GKN2: variants seen among roughly 807,000 people sequenced by gnomAD.
The protein encoded by GKN2 is gastrokine-2.
A neutral mutation model predicts 22.7 loss-of-function variants in GKN2; 17 were observed. That is an observed-to-expected ratio of 0.75 (90% CI 0.51 to 1.13). The LOEUF (loss-of-function observed/expected upper bound fraction) is 1.13. Ranked by LOEUF, GKN2 falls within the 50% of genes most tolerant of loss-of-function variation. GKN2 has a pLI of 0.00. For missense variants in GKN2, 248 were observed against 221.4 expected, an observed-to-expected ratio of 1.12 and a Z score of -0.76; for synonymous variants, 82 against 79.6, an observed-to-expected ratio of 1.03 and a Z score of -0.16.
Position 68,947,025 on chromosome 2 carries a change from A to T in GKN2, c.315+122T>A, listed in dbSNP as rs564086001. ...ACACTTTAATAACTTTAATAAGTTG[A>T]GTATCACATTTATGGTAAGGCATGA... On this transcript the variant is annotated intron_variant, in intron 4 of 5. Coordinates refer to ENST00000328895, the MANE Select transcript of GKN2 (RefSeq NM_182536.3). 1.8e-4 allele frequency: 115 copies of T among 633,568 alleles called. 2 individuals carry two copies. The South Asian group carries it at 2.4e-3, about 13-fold the overall frequency. 39.2% of individuals were successfully genotyped at this position (633,568 alleles called of 1,614,324 possible).
rs754614726 is a variant in GKN2 at position 68,947,169 on chromosome 2, T to A, written c.293A>T (p.Gln98Leu). 1.2e-5 allele frequency: 20 copies of A among 1,609,736 alleles called. No individual in the cohort carries two copies. The South Asian group carries it at 1.9e-4, about 15-fold the overall frequency. ...HQNIPPLNNL[Q>L]WYIYEKQALD... is the part of the protein sequence containing the mutation. ...TACCTGTTTCTCATAGATGTACCAT[T>A]GGAGATTGTTCAGAGGAGGGATGTT... Residue 98 changes from glutamine to leucine, a missense_variant, in exon 4 of 6, where the codon CAA (glutamine) becomes CTA (leucine). Transcript: ENST00000328895.
chr2:68,948,246 A>AAAC (rs1669800308), intron 3 of GKN2, among the ~76,000 whole-genome samples: 1 of 51,254 alleles, frequency 2.0e-5, no homozygotes, highest in South Asian at 3.9e-4. Flanking sequence ...ACTCCGTCAA[A>AAAC]AAAAAAAAAC....
intron 5 of GKN2, 68 bp downstream of exon 5, chr2:68,946,236 A>T: frequency 7.0e-7 from 1 of 1,422,764 alleles, no homozygotes. Flanking sequence ...CTTGGCACCC[A>T]ACAGAGCACC....
chr2:68,947,459 C>T (rs1669786554), intron 3 of GKN2, among the ~76,000 whole-genome samples: 1 of 152,166 alleles, frequency 6.6e-6, no homozygotes, highest in African/African-American at 2.4e-5. Flanking sequence ...ATTTCTACCC[C>T]TTTGAAATTG....
At chr2:68,949,630 G>T (rs1291705865) in intron 3 of GKN2, among the ~76,000 whole-genome samples, 1 of 151,970 alleles carries the variant, frequency 6.6e-6, no homozygotes, top group Non-Finnish European at 1.5e-5. Context: ...ATGTTGCCCA[G>T]GCCAGTCTCC....
chr2:68,945,421 C>G lies in GKN2; in HGVS notation c.502G>C (p.Ala168Pro), dbSNP rs1442476281. 1.9e-6 allele frequency: 3 copies of G among 1,611,430 alleles called. No individual in the cohort carries two copies. Among genetic ancestry groups the G allele is most frequent in the Non-Finnish European group, 2.5e-6 (3 of 1,178,308 alleles). Residue 168 changes from alanine (A) to proline (P), a missense_variant, in exon 6 of 6, where the codon GCT (alanine) becomes CCT (proline). By Grantham distance (27) the Ala-to-Pro change is conservative. Transcript: ENST00000328895. Reference sequence around the variant, plus strand: ...ATTCCCAAGATGCCCAGGAGCCCAGCCTTTGCACAGCCTCCAGCACCGACA... The same window carrying G: ...ATTCCCAAGATGCCCAGGAGCCCAGGCTTTGCACAGCCTCCAGCACCGACA... ...HNVGAGGCAK[A>P]GLLGILGISI...
At chr2:68,952,682 G>C (rs866068368) in intron 1 of GKN2, among the ~76,000 whole-genome samples, 168 bp downstream of exon 1, 2 of 152,216 alleles carry the variant, frequency 1.3e-5, no homozygotes, top group South Asian at 4.1e-4. Context: ...AAAAAAGTCA[G>C]ACTTATTCAA....
rs756003255 is a variant in GKN2, at chr2:68,952,876, G to A, written c.-15C>T. On this transcript the variant is annotated 5_prime_UTR_variant, in exon 1 of 6. Coordinates refer to ENST00000328895, the MANE Select transcript of GKN2 (RefSeq NM_182536.3). ...AGTATTTTCATTTTGCCTGGGAGAG[G>A]AAGGTGCTGGAGTAAGTAAAGCTGC... The A allele has an allele frequency of 1.2e-6, 2 of 1,613,884 alleles. No individual in the cohort carries two copies. Among genetic ancestry groups the A allele is most frequent in the Non-Finnish European group, 1.7e-6 (2 of 1,179,878 alleles).
rs557248188 is a variant in GKN2, at chr2:68,948,176, G to A, written c.205-919C>T. ...CAGGAGAATGGCATGAACCCGGGAG[G>A]TGGAGCTTGCAGTGAGCCAAGATCA... On this transcript the variant is annotated intron_variant, in intron 3 of 5. Coordinates refer to ENST00000328895, the MANE Select transcript of GKN2 (RefSeq NM_182536.3). 7.3e-5 allele frequency among the ~76,000 whole-genome samples: 11 copies of A among 150,942 alleles called. No individual in the cohort carries two copies. In the South Asian group the frequency reaches 2.1e-3, roughly 29 times the overall value.
At chr2:68,950,041 A>C in intron 3 of GKN2, 85 bp downstream of exon 3, 1 of 1,014,350 alleles carries the variant, frequency 9.9e-7, no homozygotes, top group Non-Finnish European at 1.4e-6. Context: ...TAAGAATTCA[A>C]GTATATATGC....
intron 1 of GKN2, among the ~76,000 whole-genome samples, chr2:68,951,603 C>T (rs552743661): frequency 2.6e-5 from 4 of 152,320 alleles, no homozygotes; most frequent in African/African-American, 9.6e-5. Flanking sequence ...GTGGGACTTT[C>T]CTACTTCCCT....
At chr2:68,949,811 G>T (rs1669828576) in intron 3 of GKN2, among the ~76,000 whole-genome samples, 1 of 152,156 alleles carries the variant, frequency 6.6e-6, no homozygotes, top group African/African-American at 2.4e-5. Flanking sequence ...TGCATGCCGG[G>T]CTTTGCTTTG....
chr2:68,949,060 A>G (rs966692437), intron 3 of GKN2, among the ~76,000 whole-genome samples: 1 of 152,258 alleles, frequency 6.6e-6, no homozygotes. Context: ...GGGACAGAAA[A>G]TCATGTTCAA....
chr2:68,951,097 G>A (rs1242229213), intron 1 of GKN2, among the ~76,000 whole-genome samples: 6 of 151,978 alleles, frequency 3.9e-5, no homozygotes, highest in Admixed American at 2.6e-4. Flanking sequence ...GAAATACTCT[G>A]GTATGATTCA....
chr2:68,947,015 T>C (rs1440458837), intron 4 of GKN2, 132 bp downstream of exon 4: 25 of 603,170 alleles, frequency 4.1e-5, no homozygotes, highest in Non-Finnish European at 6.5e-5. Context: ...TTAATAACTT[T>C]AATAAGTTGA....
chr2:68,947,197 G>A lies in GKN2; in HGVS notation c.265C>T (p.Gln89Ter), dbSNP rs1669784010. 6.2e-7 allele frequency: 1 copy of A among 1,613,922 alleles called. No homozygotes were observed. The highest frequency in any genetic ancestry group is 1.3e-5 in the African/African-American group (1 of 75,034). The change falls in exon 4 of 6, where the codon CAG becomes TAG. Residue 89 changes from glutamine (Q) to a stop codon, truncating the protein, a stop_gained. Transcript: ENST00000328895. LOFTEE classifies it high-confidence loss of function. The part of the protein sequence containing the change: ...RACFILKMDH[Q>*]NIPPLNNLQW... ...AGATTGTTCAGAGGAGGGATGTTCT[G>A]ATGGTCCATCTTCAGGATAAAGCAG...
In GKN2 at chr2:68,950,772, C is replaced by T. The variant is rs372448483; in HGVS notation, c.13-17G>A. ...AAATGCCACCTGAAAAACAGACCCA[C>T]CACATCCATTCTTTATAGGGTAGTC... On this transcript the variant is annotated splice_polypyrimidine_tract_variant and intron_variant, in intron 1 of 5. Coordinates refer to ENST00000328895, the MANE Select transcript of GKN2 (RefSeq NM_182536.3). 16 of 1,613,652 alleles carry T rather than the reference C, an allele frequency of 9.9e-6. No homozygotes were observed. In the African/African-American group the frequency reaches 1.7e-4, roughly 17 times the overall value.
intron 1 of GKN2, among the ~76,000 whole-genome samples, chr2:68,951,971 C>A (rs766759100): frequency 2.0e-5 from 3 of 152,214 alleles, no homozygotes; most frequent in Admixed American, 2.0e-4. Context: ...AGAGAGGGAG[C>A]TCTTTAAGCT....
chr2:68,950,391 TC>T lies in GKN2; in HGVS notation c.67-129del, dbSNP rs532464931. 1,619 of 875,168 alleles carry T rather than the reference TC, an allele frequency of 1.8e-3. 20 individuals carry two copies. The highest frequency in any genetic ancestry group is 0.011 in the South Asian group (603 of 53,096). The allele number at this position is 875,168 out of a possible 1,614,324, so 54.2% of individuals were successfully genotyped here. A position where few individuals can be genotyped will look rare whatever the true frequency, so the allele number is the denominator to read the frequency against. ...TAAAAACTAAAACTGTCCACTGGGG[TC>T]CCAATCCAAAAACTTATGATGCCAT... On this transcript the variant is annotated intron_variant, in intron 2 of 5. Coordinates refer to ENST00000328895, the MANE Select transcript of GKN2 (RefSeq NM_182536.3).
Sources: gnomAD v4.1 joint callset for allele counts (sites outside exome capture counted in the v4.1 genomes callset) on GRCh38, gnomAD v4.1.1 for gene constraint, MANE v1.5 for transcripts, NCBI Gene and HGNC (gene_info 2026-07-23, HGNC 2026-07-21) for gene names.